The following ACER3 variants were observed in gnomAD, a reference collection of about 807,000 sequenced individuals.
ACER3 encodes alkaline ceramidase 3.
In ACER3, 16 loss-of-function variants were observed where a neutral mutation model predicts 48.9. The observed-to-expected ratio is 0.33, with a 90% confidence interval of 0.22 to 0.50. The LOEUF is 0.50. ACER3 is among the 20% of genes least tolerant of loss of function. The pLI, the probability that ACER3 is intolerant of heterozygous loss-of-function variation, is 0.98. For missense variants in ACER3, 227 were observed against 326.0 expected (o/e 0.70, Z 2.34); for synonymous variants, 109 against 107.8 (o/e 1.01, Z -0.07).
intron 3 of ACER3, among the ~76,000 whole-genome samples, chr11:76,963,903 G>A (rs1188144861): frequency 6.6e-6 from 1 of 151,486 alleles, no homozygotes; most frequent in Admixed American, 6.6e-5. Flanking sequence ...CAGAAGACGG[G>A]TGACTTCTGC....
intron 1 of ACER3, among the ~76,000 whole-genome samples, chr11:76,915,476 G>T (rs912989888): frequency 6.6e-6 from 1 of 151,916 alleles, no homozygotes; most frequent in African/African-American, 2.4e-5. Context: ...TTGTCTCGAT[G>T]TTAACAGGTG....
At chr11:76,950,895 C>T (rs1947648635) in intron 2 of ACER3, among the ~76,000 whole-genome samples, 1 of 152,144 alleles carries the variant, frequency 6.6e-6, no homozygotes, top group South Asian at 2.1e-4. Context: ...CTGTCTTTTC[C>T]TGAATTTACT....
intron 1 of ACER3, among the ~76,000 whole-genome samples, chr11:76,898,948 T>G (rs572607044): frequency 6.7e-6 from 1 of 149,706 alleles, no homozygotes; most frequent in East Asian, 1.9e-4. Flanking sequence ...GTTGGTGATC[T>G]TCCTACCACC....
At chr11:76,905,289 C>T (rs1341316037) in intron 1 of ACER3, among the ~76,000 whole-genome samples, 8 of 152,168 alleles carry the variant, frequency 5.3e-5, no homozygotes, top group African/African-American at 1.9e-4. Context: ...CTACATTTCT[C>T]TATCAAAAGT....
chr11:76,901,921 G>C (rs1359327542), intron 1 of ACER3, among the ~76,000 whole-genome samples: 2 of 151,910 alleles, frequency 1.3e-5, no homozygotes, highest in Admixed American at 1.3e-4. Context: ...TTCTTTCTTT[G>C]GAGGCAGAAA....
chr11:76,919,646 A>T (rs540065150), intron 1 of ACER3, among the ~76,000 whole-genome samples: 5 of 152,320 alleles, frequency 3.3e-5, no homozygotes, highest in Admixed American at 3.3e-4. Context: ...CAGAACAGAA[A>T]TTTTTTAATT....
In ACER3 at chr11:76,867,494, AAAAG is replaced by A. The variant is rs1565149465; in HGVS notation, c.103+6423_103+6426del. 2.8e-4 allele frequency among the ~76,000 whole-genome samples: 11 copies of A among 39,866 alleles called. 1 individual carries two copies. The highest frequency in any genetic ancestry group is 8.9e-4 in the Non-Finnish European group (9 of 10,064). The allele number at this position is 39,866 out of a possible 152,430, so 26.2% of individuals were successfully genotyped here. On this transcript the variant is annotated intron_variant, in intron 1 of 10. Coordinates refer to ENST00000532485, the MANE Select transcript of ACER3 (RefSeq NM_018367.7). Reference sequence around the variant, plus strand: ...AAAAAAAAAAAAAAAAAAAAAAAAAAAAAGAAAGAAAAGTAGCTGAGAGGGCAGC... The same window carrying A: ...AAAAAAAAAAAAAAAAAAAAAAAAAAAAAGAAAAGTAGCTGAGAGGGCAGC...
chr11:77,020,132 G>C, intron 10 of ACER3, 142 bp from the exon 11 acceptor site: 2 of 746,484 alleles, frequency 2.7e-6, no homozygotes, highest in Non-Finnish European at 2.2e-6. Context: ...GGAATAAACT[G>C]TGCTCAGGCT....
rs1565233967 is a variant in ACER3 at position 77,022,886 on chromosome 11, A to AAAAAAAG, written c.*2564_*2570dup. 2 of 327,676 alleles carry AAAAAAAG rather than the reference A, an allele frequency of 6.1e-6. No homozygotes were observed. Among genetic ancestry groups the AAAAAAAG allele is most frequent in the African/African-American group, 4.3e-5 (2 of 46,862 alleles). 20.3% of individuals were successfully genotyped at this position (327,676 alleles called of 1,614,324 possible). A position where few individuals can be genotyped will look rare whatever the true frequency, so the allele number is the denominator to read the frequency against. On this transcript the variant is annotated 3_prime_UTR_variant, in exon 11 of 11. Transcript: ENST00000532485. ...TCCGTCTCAAAAAAAAAAAAAAAAAAAAAAAAGAAAAGAAAAGAAAATATA... is the reference window on the plus strand; with the variant it reads ...TCCGTCTCAAAAAAAAAAAAAAAAAAAAAAAAGAAAAAAGAAAAGAAAAGAAAATATA...
At chr11:76,889,463 G>T (rs1170574694) in intron 1 of ACER3, among the ~76,000 whole-genome samples, 1 of 152,050 alleles carries the variant, frequency 6.6e-6, no homozygotes, top group African/African-American at 2.4e-5. Context: ...GTTTATTTCA[G>T]TACTGGAAAT....
rs139188207 is a variant in ACER3 at position 76,975,481 on chromosome 11, T to C, written c.268-808T>C. On this transcript the variant is annotated intron_variant, in intron 3 of 10. Coordinates refer to ENST00000532485, the MANE Select transcript of ACER3 (RefSeq NM_018367.7). ...AATGTTATTTCTCAGAGGTATACTT[T>C]ACTTAGATTAATAAAATTATTTCCC... is the stretch of plus-strand genomic sequence containing the variant. Among the ~76,000 whole-genome samples, 5 of 152,302 alleles carry C rather than the reference T, an allele frequency of 3.3e-5. No homozygotes were observed. In the East Asian group the frequency reaches 9.6e-4, roughly 29 times the overall value.
intron 2 of ACER3, among the ~76,000 whole-genome samples, chr11:76,952,462 G>T (rs1315798705): frequency 6.6e-6 from 1 of 151,822 alleles, no homozygotes; most frequent in Non-Finnish European, 1.5e-5. Context: ...GTTTCACTAA[G>T]TTGGCCAGGC....
At chr11:76,895,901 G>C (rs1208367232) in intron 1 of ACER3, among the ~76,000 whole-genome samples, 1 of 152,036 alleles carries the variant, frequency 6.6e-6, no homozygotes, top group African/African-American at 2.4e-5. Flanking sequence ...ATACTATATA[G>C]CCAACAAAAG....
intron 2 of ACER3, among the ~76,000 whole-genome samples, chr11:76,926,877 A>G (rs1404324233): frequency 1.3e-5 from 2 of 152,250 alleles, no homozygotes; most frequent in African/African-American, 4.8e-5. Context: ...TTAAGCATAC[A>G]AAAAAGAATA....
In ACER3 at chr11:76,870,815, T is replaced by A. The variant is rs76095022; in HGVS notation, c.103+9736T>A. ...TATATGAGATACAGCCACTAATTAGTTTAATGCATTGATATAAAACAAAAC... is the reference window on the plus strand; with the variant it reads ...TATATGAGATACAGCCACTAATTAGATTAATGCATTGATATAAAACAAAAC... On this transcript the variant is annotated intron_variant, in intron 1 of 10. Transcript: ENST00000532485. Among the ~76,000 whole-genome samples, 877 of 152,336 alleles carry A rather than the reference T, an allele frequency of 5.8e-3. 2 individuals are homozygous for A. Among genetic ancestry groups the A allele is most frequent in the Middle Eastern group, 0.01 (3 of 292 alleles).
intron 1 of ACER3, among the ~76,000 whole-genome samples, chr11:76,864,025 A>T (rs1341442795): frequency 2.6e-5 from 4 of 152,242 alleles, no homozygotes; most frequent in Admixed American, 6.5e-5. Flanking sequence ...TATTCAGTTT[A>T]CTCAACCATC....
intron 1 of ACER3, among the ~76,000 whole-genome samples, chr11:76,924,687 C>A (rs1946771648): frequency 1.3e-5 from 2 of 152,090 alleles, no homozygotes; most frequent in Non-Finnish European, 2.9e-5. Context: ...AAAGTCAGAG[C>A]ATAATTTTTT....
intron 1 of ACER3, among the ~76,000 whole-genome samples, chr11:76,890,638 T>C (rs1945781056): frequency 1.3e-5 from 2 of 152,222 alleles, no homozygotes; most frequent in African/African-American, 2.4e-5. Flanking sequence ...TAACTATTCC[T>C]GTACTTACAG....
intron 1 of ACER3, among the ~76,000 whole-genome samples, chr11:76,864,955 AC>A (rs1945037956): frequency 7.2e-6 from 1 of 138,696 alleles, no homozygotes; most frequent in Non-Finnish European, 1.5e-5. Flanking sequence ...AGCTACAGCT[AC>A]ACTAATGAGG....
Sources: allele counts gnomAD v4.1 joint callset (sites outside exome capture counted in the v4.1 genomes callset), GRCh38; gene constraint gnomAD v4.1.1; transcripts MANE v1.5; gene names NCBI Gene and HGNC (gene_info 2026-07-23, HGNC 2026-07-21).